The following LRRK1 variants were observed in gnomAD, a reference collection of about 807,000 sequenced individuals.
LRRK1 encodes leucine rich repeat kinase 1.
Under a neutral mutation model 209.1 loss-of-function variants are expected in LRRK1, and 113 were observed. The ratio of observed to expected loss-of-function variants is 0.54; its 90% CI spans 0.46 to 0.63. LRRK1 has a LOEUF of 0.63. Among genes scored for constraint, LRRK1 ranks in the 30% least tolerant of loss-of-function variants. The probability of loss-of-function intolerance (pLI) is 0.00; values close to 1 mark genes in which losing one functional copy is unlikely to be tolerated. For missense variants in LRRK1, 2,284 were observed against 2,632.2 expected (o/e 0.87, Z 2.89); for synonymous variants, 1,144 against 1,099.7 (o/e 1.04, Z -0.80).
intron 30 of LRRK1, 149 bp from the exon 31 acceptor site, chr15:101,062,425 T>TAAAC (rs1171092849): frequency 1.6e-6 from 1 of 618,854 alleles, no homozygotes; most frequent in East Asian, 2.7e-5. Context: ...CAGAAATCCA[T>TAAAC]AAACAACCCA....
intron 2 of LRRK1, among the ~76,000 whole-genome samples, chr15:100,934,288 A>G (rs2042256139): frequency 6.6e-6 from 1 of 152,180 alleles, no homozygotes; most frequent in African/African-American, 2.4e-5. Context: ...ACTGGCACTT[A>G]TTTTTGAAGT....
intron 31 of LRRK1, among the ~76,000 whole-genome samples, chr15:101,063,035 TGCCCAGGCCAGAGCCACCTCACA>T (rs2036282106): frequency 6.6e-6 from 1 of 152,284 alleles, no homozygotes; most frequent in East Asian, 1.9e-4. Context: ...CTTCCCCACC[TGCCCAGGCCAGAGCCACCTCACA>T]GCCACTTGAT....
At chr15:100,921,639 C>A (rs1223514204) in intron 1 of LRRK1, among the ~76,000 whole-genome samples, 2 of 152,214 alleles carry the variant, frequency 1.3e-5, no homozygotes, top group African/African-American at 4.8e-5. Flanking sequence ...GCTGTCTGCT[C>A]CCCCACCAGC....
intron 1 of LRRK1, among the ~76,000 whole-genome samples, chr15:100,921,183 C>T (rs1020828247): frequency 6.6e-6 from 1 of 152,168 alleles, no homozygotes; most frequent in Non-Finnish European, 1.5e-5. Context: ...GCCCTCATTC[C>T]CATAACTGTA....
At chr15:100,924,385 G>A (rs1308409772) in intron 1 of LRRK1, 126 bp from the exon 2 acceptor site, 1 of 506,794 alleles carries the variant, frequency 2.0e-6, no homozygotes, top group East Asian at 3.4e-5. Flanking sequence ...GATGGGTTTG[G>A]CTGGATAGAT....
chr15:100,962,150 A>G (rs1054755986), intron 2 of LRRK1, among the ~76,000 whole-genome samples: 5 of 148,190 alleles, frequency 3.4e-5, no homozygotes, highest in Admixed American at 1.4e-4. Context: ...GACATACTTC[A>G]TCTTTTAATT....
chr15:100,957,281 A>C (rs1259900088), intron 2 of LRRK1, among the ~76,000 whole-genome samples: 1 of 152,166 alleles, frequency 6.6e-6, no homozygotes, highest in African/African-American at 2.4e-5. Flanking sequence ...TGTTGAAGGC[A>C]TTGTTCTGCA....
At chr15:100,986,051 T>A (rs539923868) in intron 4 of LRRK1, among the ~76,000 whole-genome samples, 89 of 150,184 alleles carry the variant, frequency 5.9e-4, no homozygotes, top group South Asian at 2.7e-3. Flanking sequence ...AAAAAAAAAA[T>A]TTAAATTAAC....
At chr15:100,945,209 C>T (rs969316089) in intron 2 of LRRK1, among the ~76,000 whole-genome samples, 6 of 152,274 alleles carry the variant, frequency 3.9e-5, no homozygotes, top group Middle Eastern at 3.4e-3. Flanking sequence ...ATATATGCTT[C>T]GAAAAATCTG....
At position 101,069,008 on chromosome 15, in the gene LRRK1, C is replaced by T. The variant is rs1422595964; in HGVS notation, c.*160C>T. 4.5e-5 allele frequency: 30 copies of T among 663,682 alleles called. No individual in the cohort carries two copies. Among genetic ancestry groups the T allele is most frequent in the Non-Finnish European group, 6.5e-5 (28 of 427,706 alleles). The allele number at this position is 663,682 out of a possible 1,614,324, so 41.1% of individuals were successfully genotyped here. A position where few individuals can be genotyped will look rare whatever the true frequency, so the allele number is the denominator to read the frequency against. ...AAGTGCTGAGAAGTTACTCGCCTGG[C>T]GGTGGCTCCAGGGTTCTCTGGTTCT... On this transcript the variant is annotated 3_prime_UTR_variant, in exon 34 of 34. Transcript: ENST00000388948.
chr15:100,964,115 G>A (rs7163970), intron 2 of LRRK1, among the ~76,000 whole-genome samples: 106,917 of 151,952 alleles, frequency 0.7, 37,954 homozygotes, highest in Middle Eastern at 0.76. Flanking sequence ...GTGAGAGCCC[G>A]CAGAGCCCGG....
chr15:101,003,024 G>C (rs1306216567), intron 6 of LRRK1, among the ~76,000 whole-genome samples: 2 of 152,208 alleles, frequency 1.3e-5, no homozygotes, highest in Non-Finnish European at 2.9e-5. Flanking sequence ...GAGCCACTGC[G>C]CCCAGCCCTG....
intron 26 of LRRK1, 37 bp downstream of exon 26, chr15:101,053,457 C>G (rs753452515): frequency 2.0e-6 from 3 of 1,522,364 alleles, no homozygotes; most frequent in African/African-American, 2.7e-5. Context: ...CCCCGGAGAC[C>G]GACAGAGCCC....
intron 5 of LRRK1, 93 bp downstream of exon 5, chr15:100,988,906 C>A: frequency 9.4e-7 from 1 of 1,064,434 alleles, no homozygotes; most frequent in Non-Finnish European, 1.4e-6. Flanking sequence ...ACTCTTGGCT[C>A]TCAAATCACC....
Position 101,078,214 on chromosome 15 carries a change from C to G in LRRK1, c.*9366C>G, listed in dbSNP as rs184123671. 3 of 152,284 alleles carry G rather than the reference C, an allele frequency of 2.0e-5. No individual in the cohort carries two copies. Among genetic ancestry groups the G allele is most frequent in the African/African-American group, 7.2e-5 (3 of 41,456 alleles). 9.4% of individuals were successfully genotyped at this position (152,284 alleles called of 1,614,324 possible). A position where few individuals can be genotyped will look rare whatever the true frequency, so the allele number is the denominator to read the frequency against. The stretch of plus-strand genomic sequence containing the variant: ...ACTGACTCTCTTTTCGGACTCAGCC[C>G]GCCTGCACCCAGGTGAAATAAACAG... On this transcript the variant is annotated 3_prime_UTR_variant, in exon 34 of 34. Transcript: ENST00000388948.
rs2959203 is a variant in LRRK1 at position 101,076,014 on chromosome 15, A to G, written c.*7166A>G. On this transcript the variant is annotated 3_prime_UTR_variant, in exon 34 of 34. Transcript: ENST00000388948. ...GACACACGTGCTCTCCCTGCCGATCATGTCCGATTAATCTCCCAAACCCCA... is the reference window on the plus strand; with the variant it reads ...GACACACGTGCTCTCCCTGCCGATCGTGTCCGATTAATCTCCCAAACCCCA... 80,430 of 144,202 alleles carry G rather than the reference A, an allele frequency of 0.56. 22,079 individuals carry two copies. Among genetic ancestry groups the G allele is most frequent in the Non-Finnish European group, 0.63 (41,059 of 64,866 alleles). The allele number at this position is 144,202 out of a possible 1,614,324, so 8.9% of individuals were successfully genotyped here. A position where few individuals can be genotyped will look rare whatever the true frequency, so the allele number is the denominator to read the frequency against.
intron 20 of LRRK1, among the ~76,000 whole-genome samples, chr15:101,036,108 C>T (rs1596304314): frequency 6.6e-6 from 1 of 152,270 alleles, no homozygotes; most frequent in Non-Finnish European, 1.5e-5. Flanking sequence ...CTCAGAGCCT[C>T]CTGTATCTGG....
rs1234416855 is a variant in LRRK1, at chr15:101,073,191, C to T, written c.*4343C>T. 6.5e-6 allele frequency: 1 copy of T among 152,690 alleles called. No individual in the cohort carries two copies. Among genetic ancestry groups the T allele is most frequent in the Non-Finnish European group, 1.5e-5 (1 of 68,384 alleles). The allele number at this position is 152,690 out of a possible 1,614,324, so 9.5% of individuals were successfully genotyped here. A position where few individuals can be genotyped will look rare whatever the true frequency, so the allele number is the denominator to read the frequency against. On this transcript the variant is annotated 3_prime_UTR_variant, in exon 34 of 34. Transcript: ENST00000388948. ...CACTTCAATTTCTCCCTTCTCTTAA[C>T]TTCAATTCCTTTCATTTTCTGGTAG...
intron 31 of LRRK1, chr15:101,065,091 T>A (rs2036452084): frequency 1.8e-6 from 1 of 542,822 alleles, no homozygotes; most frequent in South Asian, 2.2e-5. Context: ...CACGCAGCCT[T>A]ACTTGGTGCC....
Sources: gnomAD v4.1 joint callset for allele counts (sites outside exome capture counted in the v4.1 genomes callset) on GRCh38, gnomAD v4.1.1 for gene constraint, MANE v1.5 for transcripts, NCBI Gene and HGNC (gene_info 2026-07-23, HGNC 2026-07-21) for gene names.